CFHR4: variants seen among roughly 807,000 people sequenced by gnomAD.
The protein encoded by CFHR4 is complement factor H-related protein 4.
A neutral mutation model predicts 69.3 loss-of-function variants in CFHR4; 64 were observed. The observed-to-expected ratio is 0.92, with a 90% CI of 0.76 to 1.14. The LOEUF is 1.14. Ranked by LOEUF, CFHR4 falls within the 50% of genes most tolerant of loss-of-function variation. The pLI is 0.00. For synonymous variants in CFHR4, 244 were observed against 237.0 expected (o/e 1.03, Z -0.27); for missense variants, 636 against 684.9 (o/e 0.93, Z 0.80).
At chr1:196,910,560 CT>C in intron 6 of CFHR4, 82 bp downstream of exon 6, 1 of 1,169,440 alleles carries the variant, frequency 8.6e-7, no homozygotes, top group Non-Finnish European at 1.2e-6. Context: ...ATTACATTGT[CT>C]TATATGACAG....
intron 6 of CFHR4, among the ~76,000 whole-genome samples, chr1:196,911,605 T>C (rs1356317128): frequency 6.6e-6 from 1 of 151,386 alleles, no homozygotes; most frequent in African/African-American, 2.4e-5. Flanking sequence ...TGCTTGCAAT[T>C]TACCAAACAT....
In CFHR4 at chr1:196,910,577, G is replaced by T. The variant is rs1367831592; in HGVS notation, c.997+99G>T. The T allele has an allele frequency of 3.2e-5, 32 of 991,976 alleles. No homozygotes were observed. In the East Asian group the frequency reaches 6.0e-4, roughly 18 times the overall value. The allele number at this position is 991,976 out of a possible 1,614,324, so 61.4% of individuals were successfully genotyped here. A position where few individuals can be genotyped will look rare whatever the true frequency, so the allele number is the denominator to read the frequency against. ...TACATTGTCTTATATGACAGAGATG[G>T]TACCAAAGGAAGAGTTGTTCATGCA... On this transcript the variant is annotated intron_variant, in intron 6 of 9. Coordinates refer to ENST00000608469, the MANE Select transcript of CFHR4 (RefSeq NM_001201550.3).
intron 2 of CFHR4, among the ~76,000 whole-genome samples, chr1:196,903,439 G>A (rs1657729866): frequency 6.6e-6 from 1 of 150,962 alleles, no homozygotes; most frequent in Admixed American, 6.6e-5. Context: ...GATCACTTTA[G>A]GTGAGGAGTT....
At position 196,915,420 on chromosome 1, in the gene CFHR4, G is replaced by T. The variant is rs1322886666; in HGVS notation, c.1540+282G>T. The stretch of plus-strand genomic sequence containing the variant: ...TGGAAGGCCGAGGCAGGCAGATCAC[G>T]AGGTCAGGAGTTCGAGATCAGCCTG... On this transcript the variant is annotated intron_variant, in intron 9 of 9. Coordinates refer to ENST00000608469, the MANE Select transcript of CFHR4 (RefSeq NM_001201550.3). Among the ~76,000 whole-genome samples, 7 of 151,458 alleles carry T rather than the reference G, an allele frequency of 4.6e-5. 1 individual carries two copies. The highest frequency in any genetic ancestry group is 1.7e-4 in the African/African-American group (7 of 41,110).
chr1:196,904,751 T>C (rs553197832), intron 2 of CFHR4, among the ~76,000 whole-genome samples: 1 of 151,710 alleles, frequency 6.6e-6, no homozygotes, highest in Admixed American at 6.6e-5. Flanking sequence ...GGCATTTGAC[T>C]AAATGAAGTC....
chr1:196,903,319 A>G (rs552979979), intron 2 of CFHR4, among the ~76,000 whole-genome samples: 1 of 151,384 alleles, frequency 6.6e-6, no homozygotes, highest in Non-Finnish European at 1.5e-5. Context: ...CTGGATAATT[A>G]GTGGATTCTG....
chr1:196,894,233 A>G (rs2124936950), intron 1 of CFHR4, among the ~76,000 whole-genome samples: 2 of 151,786 alleles, frequency 1.3e-5, no homozygotes, highest in Middle Eastern at 6.8e-3. Flanking sequence ...TGAAATATGG[A>G]GTTTTAAACC....
rs1391504503 is a variant in CFHR4, at chr1:196,890,650, C to T, written c.58+2442C>T. Among the ~76,000 whole-genome samples the T allele has an allele frequency of 7.9e-5, 12 of 151,478 alleles. 1 individual carries two copies. The highest frequency in any genetic ancestry group is 2.4e-4 in the African/African-American group (10 of 41,028). ...CAATTAGTATTTTAGAGCAGGATTG[C>T]TTCTAAATCTCTTTCAAACTAGATC... On this transcript the variant is annotated intron_variant, in intron 1 of 9. Coordinates refer to ENST00000608469, the MANE Select transcript of CFHR4 (RefSeq NM_001201550.3).
intron 1 of CFHR4, among the ~76,000 whole-genome samples, chr1:196,899,774 T>C (rs1450229863): frequency 6.6e-6 from 1 of 151,686 alleles, no homozygotes; most frequent in Non-Finnish European, 1.5e-5. Flanking sequence ...GCAAAAGTAT[T>C]TCGCAAGTGA....
chr1:196,913,283 T>C (rs543480424), intron 7 of CFHR4, among the ~76,000 whole-genome samples: 7 of 151,694 alleles, frequency 4.6e-5, no homozygotes, highest in Non-Finnish European at 1.0e-4. Context: ...TTGTATTGCA[T>C]TCCTTGCTCA....
intron 9 of CFHR4, among the ~76,000 whole-genome samples, chr1:196,917,159 A>C (rs148527491): frequency 7.1e-6 from 1 of 141,304 alleles, no homozygotes; most frequent in Admixed American, 7.1e-5. Flanking sequence ...GTATTAAAAT[A>C]TGATTGGGGA....
At chr1:196,904,058 G>A (rs1000156731) in intron 2 of CFHR4, among the ~76,000 whole-genome samples, 2 of 151,518 alleles carry the variant, frequency 1.3e-5, no homozygotes, top group African/African-American at 4.9e-5. Context: ...AAGGACAATG[G>A]TAATCTTCTT....
In CFHR4 at chr1:196,918,485, T is replaced by C. The variant is rs1658788937; in HGVS notation, c.*79T>C. ...TCTCAAAGCTTGCAAAGATAGCTTCTGATATTGTTGTAATTTCTACTTTAT... is the reference window on the plus strand; with the variant it reads ...TCTCAAAGCTTGCAAAGATAGCTTCCGATATTGTTGTAATTTCTACTTTAT... On this transcript the variant is annotated 3_prime_UTR_variant, in exon 10 of 10. Transcript: ENST00000608469. 2.2e-6 allele frequency: 3 copies of C among 1,342,882 alleles called. No individual in the cohort carries two copies. In the South Asian group the frequency reaches 3.6e-5, roughly 16 times the overall value. 83.2% of individuals were successfully genotyped at this position (1,342,882 alleles called of 1,614,324 possible). A position where few individuals can be genotyped will look rare whatever the true frequency, so the allele number is the denominator to read the frequency against.
Position 196,916,483 on chromosome 1 carries a change from C to T in CFHR4, c.1540+1345C>T, listed in dbSNP as rs538732491. Among the ~76,000 whole-genome samples the T allele has an allele frequency of 9.2e-4, 140 of 151,888 alleles. 3 individuals are homozygous for T. The highest frequency in any genetic ancestry group is 3.1e-3 in the African/African-American group (130 of 41,364). ...TTTTACCTTTCATATTGACTGATGA[C>T]GCTGATATTTTGGCTGATCTTACAA... On this transcript the variant is annotated intron_variant, in intron 9 of 9. Transcript: ENST00000608469.
rs1205647292 is a variant in CFHR4 at position 196,914,894 on chromosome 1, T to C, written c.1358-62T>C. On this transcript the variant is annotated intron_variant, in intron 8 of 9. Coordinates refer to ENST00000608469, the MANE Select transcript of CFHR4 (RefSeq NM_001201550.3). ...ACAGTTAAGAGTATATAAAAAGCTT[T>C]ATTTAGAAAGTTTCCAATAAGACTA... 12 of 1,562,156 alleles carry C rather than the reference T, an allele frequency of 7.7e-6. 1 individual carries two copies. The Middle Eastern group carries it at 7.0e-4, about 91-fold the overall frequency.
At chr1:196,904,904 C>A (rs1471431949) in intron 2 of CFHR4, among the ~76,000 whole-genome samples, 1 of 151,492 alleles carries the variant, frequency 6.6e-6, no homozygotes, top group Non-Finnish European at 1.5e-5. Flanking sequence ...CTCAAAGATT[C>A]TTTGCTTTTA....
chr1:196,906,073 T>A (rs976534792), intron 3 of CFHR4, among the ~76,000 whole-genome samples: 1 of 151,498 alleles, frequency 6.6e-6, no homozygotes, highest in South Asian at 2.1e-4. Context: ...TATTGATATA[T>A]AATTTACATA....
chr1:196,905,453 T>C (rs1237474524), intron 3 of CFHR4, among the ~76,000 whole-genome samples, 163 bp downstream of exon 3: 1 of 151,562 alleles, frequency 6.6e-6, no homozygotes, highest in Admixed American at 6.6e-5. Flanking sequence ...CTTTTTTGCC[T>C]TTTTAGAGTA....
intron 1 of CFHR4, among the ~76,000 whole-genome samples, chr1:196,891,437 G>T (rs1247777436): frequency 6.6e-6 from 1 of 151,108 alleles, no homozygotes; most frequent in East Asian, 1.9e-4. Context: ...TGACGGACTG[G>T]GTCAGAGAAG....
Sources: allele counts gnomAD v4.1 joint callset (sites outside exome capture counted in the v4.1 genomes callset), GRCh38; gene constraint gnomAD v4.1.1; transcripts MANE v1.5; gene names NCBI Gene and HGNC (gene_info 2026-07-23, HGNC 2026-07-21).